The following SLC5A4 variants were observed in gnomAD, a reference collection of about 807,000 sequenced individuals.
The protein encoded by SLC5A4 is solute carrier family 5 member 4.
A neutral mutation model predicts 70.3 loss-of-function variants in SLC5A4; 55 were observed. The observed-to-expected ratio is 0.78, with a 90% CI of 0.63 to 0.98. The LOEUF is 0.98. SLC5A4 is among the 50% of genes least tolerant of loss of function. The pLI, the probability that SLC5A4 is intolerant of heterozygous loss-of-function variation, is 0.00. For synonymous variants in SLC5A4, 268 were observed against 305.7 expected (o/e 0.88, Z 1.29); for missense variants, 735 against 839.2 (o/e 0.88, Z 1.53).
At chr22:32,354,637 G>A in the SLC5A4 span, among the ~76,000 whole-genome samples, 6 of 150,780 alleles carry the variant, frequency 4.0e-5, no homozygotes, top group East Asian at 2.0e-4. Context: ...TTGGGATAGT[G>A]CTCCAACCCA....
At chr22:32,233,144 T>C in intron 8 of SLC5A4, 110 bp from the exon 9 acceptor site, 1 of 1,180,516 alleles carries the variant, frequency 8.5e-7, no homozygotes, top group Non-Finnish European at 1.2e-6. Context: ...TGTGGACCAG[T>C]ATACCAAAGA....
chr22:32,233,697 C>T (rs781391407), intron 8 of SLC5A4, among the ~76,000 whole-genome samples: 37 of 152,156 alleles, frequency 2.4e-4, no homozygotes, highest in Non-Finnish European at 4.7e-4. Context: ...TGCGGTGGCT[C>T]ACACCTGTAA....
chr22:32,263,019 C>T, the SLC5A4 span, among the ~76,000 whole-genome samples: 2 of 151,718 alleles, frequency 1.3e-5, no homozygotes, highest in South Asian at 2.1e-4. Context: ...CCACCCGCCT[C>T]GACCTCCCAA....
intron 8 of SLC5A4, 58 bp from the exon 9 acceptor site, chr22:32,233,092 T>TC (rs1004204089): frequency 6.4e-7 from 1 of 1,567,766 alleles, no homozygotes; most frequent in Non-Finnish European, 8.7e-7. Flanking sequence ...TCAAAGGCAG[T>TC]CAGCGTCCCT....
chr22:32,295,704 C>T, the SLC5A4 span, among the ~76,000 whole-genome samples: 73 of 90,104 alleles, frequency 8.1e-4, 7 homozygotes, highest in South Asian at 3.7e-3. Context: ...CCATTGCTTT[C>T]GGTGTTTTAG....
the SLC5A4 span, among the ~76,000 whole-genome samples, chr22:32,283,422 C>T: frequency 3.4e-4 from 52 of 152,358 alleles, no homozygotes; most frequent in African/African-American, 1.2e-3. Context: ...AGACGTGACA[C>T]ACTTTAAAGT....
chr22:32,239,634 A>AAT (rs1418779923), intron 5 of SLC5A4, among the ~76,000 whole-genome samples: 4 of 126,832 alleles, frequency 3.2e-5, no homozygotes, highest in Admixed American at 9.7e-5. Flanking sequence ...AAATATATAT[A>AAT]ATATATATAT....
At chr22:32,353,929 C>G in the SLC5A4 span, among the ~76,000 whole-genome samples, 2 of 151,656 alleles carry the variant, frequency 1.3e-5, no homozygotes, top group East Asian at 2.0e-4. Flanking sequence ...CTGCTCCCCA[C>G]TGGGAGCAGC....
At chr22:32,293,196 A>T in the SLC5A4 span, among the ~76,000 whole-genome samples, 72,406 of 151,484 alleles carry the variant, frequency 0.48, 17,394 homozygotes, top group Admixed American at 0.51. Context: ...TTTATAAATA[A>T]CATATAGTTG....
the SLC5A4 span, among the ~76,000 whole-genome samples, chr22:32,346,268 A>C: frequency 3.3e-5 from 5 of 152,212 alleles, no homozygotes; most frequent in Non-Finnish European, 7.3e-5. Context: ...TAATGAAAAA[A>C]GTGCTTGCTT....
the SLC5A4 span, among the ~76,000 whole-genome samples, chr22:32,286,405 T>A: frequency 6.6e-6 from 1 of 152,202 alleles, no homozygotes; most frequent in Non-Finnish European, 1.5e-5. Flanking sequence ...GCAGGGAGGC[T>A]CTGTGTTGAG....
At chr22:32,276,462 G>A in the SLC5A4 span, among the ~76,000 whole-genome samples, 4 of 152,154 alleles carry the variant, frequency 2.6e-5, no homozygotes, top group East Asian at 3.8e-4. Flanking sequence ...AAAGGGAAAC[G>A]TTTAACCAAC....
chr22:32,264,231 A>G, the SLC5A4 span, among the ~76,000 whole-genome samples: 1 of 152,122 alleles, frequency 6.6e-6, no homozygotes, highest in African/African-American at 2.4e-5. Flanking sequence ...GAGACCACTT[A>G]AAACTGGACG....
the SLC5A4 span, among the ~76,000 whole-genome samples, chr22:32,339,574 C>T: frequency 2.0e-5 from 3 of 152,200 alleles, no homozygotes; most frequent in Non-Finnish European, 4.4e-5. Flanking sequence ...TCTGTTCCGC[C>T]GGGCCCTCCT....
the SLC5A4 span, among the ~76,000 whole-genome samples, chr22:32,351,884 G>A: frequency 1.3e-5 from 2 of 151,610 alleles, no homozygotes; most frequent in African/African-American, 4.9e-5. Context: ...AAGGACACAA[G>A]AAATAGAAGC....
the SLC5A4 span, among the ~76,000 whole-genome samples, chr22:32,321,426 T>G: frequency 2.6e-4 from 40 of 152,132 alleles, no homozygotes; most frequent in East Asian, 7.3e-3. Flanking sequence ...CACTCCAGCC[T>G]GGATGGCAGA....
chr22:32,280,105 T>C, the SLC5A4 span, among the ~76,000 whole-genome samples: 1 of 152,212 alleles, frequency 6.6e-6, no homozygotes, highest in Admixed American at 6.5e-5. Flanking sequence ...AACCTTCACC[T>C]CCCAGGTTCA....
At chr22:32,289,034 T>G in the SLC5A4 span, among the ~76,000 whole-genome samples, 7 of 152,254 alleles carry the variant, frequency 4.6e-5, no homozygotes, top group Non-Finnish European at 8.8e-5. Flanking sequence ...ACCATGGGCT[T>G]GCTTCTTACA....
At chr22:32,270,609 G>A in the SLC5A4 span, 86,664 of 735,352 alleles carry the variant, frequency 0.12, 7,579 homozygotes, top group East Asian at 0.36. Flanking sequence ...GCTTTGCCAC[G>A]CAGGGCCCCA....
Sources: gnomAD v4.1 joint callset for allele counts (sites outside exome capture counted in the v4.1 genomes callset) on GRCh38, gnomAD v4.1.1 for gene constraint, MANE v1.5 for transcripts, NCBI Gene and HGNC (gene_info 2026-07-23, HGNC 2026-07-21) for gene names.